HEATR5A: variants seen among roughly 807,000 people sequenced by gnomAD.
HEATR5A encodes HEAT repeat-containing protein 5A.
A neutral mutation model predicts 218.8 loss-of-function variants in HEATR5A; 178 were observed. That is an observed-to-expected ratio of 0.81 (90% CI 0.72 to 0.92). HEATR5A has a LOEUF of 0.92. Ranked by LOEUF, HEATR5A falls within the 40% of genes least tolerant of loss-of-function variation. HEATR5A has a pLI of 0.00. For missense variants in HEATR5A, 2,420 were observed against 2,418.9 expected (o/e 1.00, Z -0.01); for synonymous variants, 864 against 871.6 (o/e 0.99, Z 0.15).
At chr14:31,373,390 G>A (rs951344662) in intron 12 of HEATR5A, among the ~76,000 whole-genome samples, 5 of 150,142 alleles carry the variant, frequency 3.3e-5, no homozygotes, top group African/African-American at 4.9e-5. Flanking sequence ...GTGCAATGGC[G>A]CATTCTCAAC....
intron 26 of HEATR5A, among the ~76,000 whole-genome samples, chr14:31,317,931 A>G (rs1899964540): frequency 1.3e-5 from 2 of 152,222 alleles, no homozygotes; most frequent in Admixed American, 1.3e-4. Flanking sequence ...TCTCACAGAT[A>G]TGCTTACACC....
At chr14:31,318,423 G>A in intron 25 of HEATR5A, 131 bp from the exon 26 acceptor site, 1 of 683,124 alleles carries the variant, frequency 1.5e-6, no homozygotes, top group East Asian at 2.8e-5. Flanking sequence ...TGTCTACCCA[G>A]TGTATCTTCC....
chr14:31,343,088 CTTTT>C (rs200758726), intron 21 of HEATR5A, among the ~76,000 whole-genome samples: 2 of 139,802 alleles, frequency 1.4e-5, no homozygotes, highest in African/African-American at 2.6e-5. Flanking sequence ...CATGGTAAAT[CTTTT>C]TTTTTTTTTT....
chr14:31,395,685 G>A (rs1161136868), intron 4 of HEATR5A, among the ~76,000 whole-genome samples: 2 of 152,164 alleles, frequency 1.3e-5, no homozygotes, highest in South Asian at 2.1e-4. Context: ...TGCAGGGTCT[G>A]CCATTTACTA....
At chr14:31,300,010 TG>T (rs1899317819) in intron 33 of HEATR5A, among the ~76,000 whole-genome samples, 1 of 152,170 alleles carries the variant, frequency 6.6e-6, no homozygotes, top group Admixed American at 6.6e-5. Context: ...CACTCCAGCC[TG>T]GGCAACAGAG....
chr14:31,363,239 C>CAA (rs755305803), intron 14 of HEATR5A, among the ~76,000 whole-genome samples: 5 of 88,846 alleles, frequency 5.6e-5, no homozygotes, highest in African/African-American at 8.2e-5. Context: ...ACTCTGTCTC[C>CAA]AAAAAAAAAA....
chr14:31,378,258 A>G (rs1595154483), intron 11 of HEATR5A, among the ~76,000 whole-genome samples: 1 of 152,074 alleles, frequency 6.6e-6, no homozygotes, highest in African/African-American at 2.4e-5. Context: ...CTGTACACCT[A>G]AAGGTCACAG....
chr14:31,313,247 A>G (rs1734665018), intron 27 of HEATR5A, 57 bp from the exon 28 acceptor site: 1 of 1,337,978 alleles, frequency 7.5e-7, no homozygotes, highest in Admixed American at 1.9e-5. Context: ...AAGGTGCTAT[A>G]AAATTTTTAT....
rs940720828 is a variant in HEATR5A, at chr14:31,344,359, C to T, written c.3059-294G>A. Among the ~76,000 whole-genome samples, 87 of 146,514 alleles carry T rather than the reference C, an allele frequency of 5.9e-4. 1 individual carries two copies. Among genetic ancestry groups the T allele is most frequent in the African/African-American group, 5.3e-4 (21 of 39,940 alleles). Reference sequence around the variant, plus strand: ...ATGGTGCCATTTCGGCTCACAGCAACCCCCGGCTTCCGGGTTCAAGTGATT... The same window carrying T: ...ATGGTGCCATTTCGGCTCACAGCAATCCCCGGCTTCCGGGTTCAAGTGATT... On this transcript the variant is annotated intron_variant, in intron 20 of 35. Transcript: ENST00000543095.
chr14:31,383,634 G>A lies in HEATR5A; in HGVS notation c.1483C>T (p.Leu495Phe), dbSNP rs759348815. ...TPLLDRCLERLTGHKSSPEAV... is the reference protein window; with the variant it reads ...TPLLDRCLERFTGHKSSPEAV... ...TCAGGTGAAGACTTATGTCCAGTAA[G>A]CCGTTCAAGGCAACGATCCAAGAGT... The change falls in exon 10 of 36, where the codon CTT becomes TTT. Residue 495 changes from leucine to phenylalanine, a missense_variant. Leu to Phe is a conservative substitution (Grantham distance 22). Coordinates refer to ENST00000543095, the MANE Select transcript of HEATR5A (RefSeq NM_015473.4). 1.9e-6 allele frequency: 3 copies of A among 1,613,992 alleles called. No homozygotes were observed. The highest frequency in any genetic ancestry group is 3.3e-5 in the Admixed American group (2 of 60,030).
Position 31,398,184 on chromosome 14 carries a change from T to A in HEATR5A, c.447+489A>T, listed in dbSNP as rs547197518. Reference sequence around the variant, plus strand: ...TTCAATGAGGATAAAGTTGAAAATATACTCCCTTGGCAATTAAAAGGTCAT... The same window carrying A: ...TTCAATGAGGATAAAGTTGAAAATAAACTCCCTTGGCAATTAAAAGGTCAT... On this transcript the variant is annotated intron_variant, in intron 4 of 35. Transcript: ENST00000543095. Among the ~76,000 whole-genome samples, 44 of 152,296 alleles carry A rather than the reference T, an allele frequency of 2.9e-4. 1 individual carries two copies. Among genetic ancestry groups the A allele is most frequent in the African/African-American group, 1.0e-3 (43 of 41,572 alleles).
intron 1 of HEATR5A, among the ~76,000 whole-genome samples, chr14:31,406,339 T>C (rs984481866): frequency 1.3e-5 from 2 of 152,208 alleles, no homozygotes; most frequent in Admixed American, 1.3e-4. Context: ...GAAAAAAGGA[T>C]TTCATAAACC....
intron 33 of HEATR5A, 145 bp from the exon 34 acceptor site, chr14:31,296,208 A>C: frequency 1.8e-6 from 1 of 553,712 alleles, no homozygotes; most frequent in East Asian, 3.0e-5. Context: ...GCAAAGGTAC[A>C]TTTTAAGATG....
chr14:31,302,981 G>A (rs974570048), intron 32 of HEATR5A, among the ~76,000 whole-genome samples: 1 of 149,498 alleles, frequency 6.7e-6, no homozygotes, highest in Non-Finnish European at 1.5e-5. Context: ...GGATGGTGGT[G>A]TGCGCCTGTG....
rs867105040 is a variant in HEATR5A at position 31,295,979 on chromosome 14, G to T, written c.5549C>A (p.Thr1850Asn). 7 of 1,613,180 alleles carry T rather than the reference G, an allele frequency of 4.3e-6. No individual in the cohort carries two copies. In the African/African-American group the frequency reaches 8.0e-5, roughly 18 times the overall value. The change falls in exon 34 of 36, where the codon ACT becomes AAT. Residue 1850 changes from threonine to asparagine, a missense_variant. By Grantham distance (65) the Thr-to-Asn change is moderately conservative. Coordinates refer to ENST00000543095, the MANE Select transcript of HEATR5A (RefSeq NM_015473.4). ...GCGCTTCTGAAGGCATGGGATGGTA[G>T]TTACTTCTGGACTGGTAGACAAAAT... is the stretch of plus-strand genomic sequence containing the variant. The part of the protein sequence containing the change: ...VFILSTSPEV[T>N]TIPCLQKRCI...
In HEATR5A at chr14:31,337,517, G is replaced by C. The variant is rs1468543091; in HGVS notation, c.3326C>G (p.Ala1109Gly). ...QREAAEVSEH[A>G]VMLAKDSREE... ...TCTGCTATCCTTAGCAAGCATAACA[G>C]CATGTTCTGAAACTTCAGCTGCTTC... The change falls in exon 22 of 36, where the codon GCT becomes GGT. Residue 1109 changes from alanine to glycine, a missense_variant. Transcript: ENST00000543095. 2 of 1,559,210 alleles carry C rather than the reference G, an allele frequency of 1.3e-6. No homozygotes were observed. Among genetic ancestry groups the C allele is most frequent in the African/African-American group, 2.7e-5 (2 of 73,540 alleles).
At chr14:31,411,866 CT>C (rs905619307) in intron 1 of HEATR5A, among the ~76,000 whole-genome samples, 5 of 151,090 alleles carry the variant, frequency 3.3e-5, no homozygotes, top group South Asian at 4.2e-4. Flanking sequence ...TGATTTCTTT[CT>C]TTTTTTTTAA....
intron 33 of HEATR5A, chr14:31,297,575 G>A (rs1899229832): frequency 6.6e-6 from 1 of 152,128 alleles, no homozygotes; most frequent in African/African-American, 2.4e-5. Flanking sequence ...GATAATACCT[G>A]AGCTGACTAT....
Position 31,358,764 on chromosome 14 carries a change from A to G in HEATR5A, c.2284T>C (p.Tyr762His). ...TCTACATCTTTCTCATAAATCGAAT[A>G]AGGGTCATATTCAAGACTTCCGCAA... ...VACGSLEYDP[Y>H]SIYEKDVEGD... Residue 762 changes from tyrosine (Y) to histidine (H), a missense_variant, in exon 16 of 36, where the codon TAT (tyrosine) becomes CAT (histidine). Physicochemically the swap from Tyr to His is moderately conservative, Grantham distance 83. Coordinates refer to ENST00000543095, the MANE Select transcript of HEATR5A (RefSeq NM_015473.4). The G allele has an allele frequency of 6.2e-7, 1 of 1,613,972 alleles. No homozygotes were observed. The highest frequency in any genetic ancestry group is 8.5e-7 in the Non-Finnish European group (1 of 1,179,870).
Sources: allele counts gnomAD v4.1 joint callset (sites outside exome capture counted in the v4.1 genomes callset), GRCh38; gene constraint gnomAD v4.1.1; transcripts MANE v1.5; gene names NCBI Gene and HGNC (gene_info 2026-07-23, HGNC 2026-07-21).